The following CLNK variants were observed in gnomAD, a reference collection of about 807,000 sequenced individuals.
CLNK encodes cytokine dependent hematopoietic cell linker.
Under a neutral mutation model 68.6 loss-of-function variants are expected in CLNK, and 74 were observed. The ratio of observed to expected loss-of-function variants is 1.08; its 90% CI spans 0.89 to 1.31. The LOEUF is 1.31. Ranked by LOEUF, CLNK falls within the 50% of genes most tolerant of loss-of-function variation. The pLI, the probability that CLNK is intolerant of heterozygous loss-of-function variation, is 0.00. For synonymous variants in CLNK, 198 were observed against 172.2 expected, an observed-to-expected ratio of 1.15 and a Z score of -1.17; for missense variants, 553 against 515.3, an observed-to-expected ratio of 1.07 and a Z score of -0.71.
At chr4:10,496,207 C>A (rs1056309631) in intron 18 of CLNK, among the ~76,000 whole-genome samples, 6 of 152,208 alleles carry the variant, frequency 3.9e-5, no homozygotes, top group Non-Finnish European at 7.3e-5. Context: ...AAGATAGCTA[C>A]AAAACTACAT....
At position 10,487,575 on chromosome 4, in the gene CLNK, G is replaced by C. The variant is rs1407224787; in HGVS notation, c.*2892C>G. The stretch of plus-strand genomic sequence containing the variant: ...TAACTTGCTGGCCAGCAAGTTAGTG[G>C]ACAGCGTCCAGCTGCGCCTTCTGGA... On this transcript the variant is annotated 3_prime_UTR_variant, in exon 19 of 19. Coordinates refer to ENST00000226951, the MANE Select transcript of CLNK (RefSeq NM_052964.4). 1 of 152,104 alleles carries C rather than the reference G, an allele frequency of 6.6e-6. No individual in the cohort carries two copies. The highest frequency in any genetic ancestry group is 6.5e-5 in the Admixed American group (1 of 15,280). 9.4% of individuals were successfully genotyped at this position (152,104 alleles called of 1,614,324 possible). A position where few individuals can be genotyped will look rare whatever the true frequency, so the allele number is the denominator to read the frequency against.
At chr4:10,618,836 G>T (rs993182175) in intron 2 of CLNK, among the ~76,000 whole-genome samples, 2 of 152,204 alleles carry the variant, frequency 1.3e-5, no homozygotes, top group Non-Finnish European at 2.9e-5. Context: ...TCAAGGGGAT[G>T]GTGCTAACTC....
At chr4:10,541,396 C>G (rs1355150582) in intron 10 of CLNK, among the ~76,000 whole-genome samples, 1 of 151,696 alleles carries the variant, frequency 6.6e-6, no homozygotes, top group Non-Finnish European at 1.5e-5. Context: ...AAGCTGCTTC[C>G]CTCTAGCAGG....
Position 10,575,255 on chromosome 4 carries a change from C to T in CLNK, c.113-3477G>A, listed in dbSNP as rs188727705. 3.5e-3 allele frequency among the ~76,000 whole-genome samples: 540 copies of T among 152,330 alleles called. 2 individuals are homozygous for T. The highest frequency in any genetic ancestry group is 0.012 in the African/African-American group (511 of 41,580). Reference sequence around the variant, plus strand: ...TCTTCCTTTACCTCTTTCTCACCTCCGACTTCAGCTGCTTCAGCCAGCCTC... The same window carrying T: ...TCTTCCTTTACCTCTTTCTCACCTCTGACTTCAGCTGCTTCAGCCAGCCTC... On this transcript the variant is annotated intron_variant, in intron 4 of 18. Coordinates refer to ENST00000226951, the MANE Select transcript of CLNK (RefSeq NM_052964.4).
chr4:10,570,721 T>C (rs1463506582), intron 5 of CLNK, among the ~76,000 whole-genome samples: 1 of 152,208 alleles, frequency 6.6e-6, no homozygotes, highest in Non-Finnish European at 1.5e-5. Context: ...ATCTAATCTA[T>C]AGATATGCAA....
intron 8 of CLNK, among the ~76,000 whole-genome samples, chr4:10,552,617 A>G (rs1368212027): frequency 6.6e-6 from 1 of 151,652 alleles, no homozygotes; most frequent in Non-Finnish European, 1.5e-5. Flanking sequence ...AACCCCTATA[A>G]TTTCATCTCC....
chr4:10,697,874 C>T, the CLNK span, among the ~76,000 whole-genome samples: 1 of 152,154 alleles, frequency 6.6e-6, no homozygotes, highest in Admixed American at 6.5e-5. Flanking sequence ...AAACGAGGCT[C>T]ATCAAAGAAT....
At chr4:10,689,133 CTTTCT>C (rs1725373830), upstream of CLNK, among the ~76,000 whole-genome samples, 1 of 151,512 alleles carries the variant, frequency 6.6e-6, no homozygotes, top group African/African-American at 2.4e-5. Context: ...TCCTTTCTTT[CTTTCT>C]TTTTTTTTTT....
chr4:10,639,163 C>A (rs550808361), intron 2 of CLNK, among the ~76,000 whole-genome samples: 1 of 152,284 alleles, frequency 6.6e-6, no homozygotes, highest in Non-Finnish European at 1.5e-5. Flanking sequence ...CTGGCCAATA[C>A]AGAAAGAGTC....
chr4:10,588,731 G>A (rs961719930), intron 3 of CLNK, among the ~76,000 whole-genome samples: 6 of 151,988 alleles, frequency 3.9e-5, no homozygotes, highest in Non-Finnish European at 7.4e-5. Context: ...CTTGTGAATG[G>A]ACAAGTATTA....
At chr4:10,587,212 C>A (rs1311581897) in intron 3 of CLNK, among the ~76,000 whole-genome samples, 2 of 152,126 alleles carry the variant, frequency 1.3e-5, no homozygotes, top group Middle Eastern at 3.2e-3. Flanking sequence ...GTGATCCACC[C>A]GCCTCAGCCT....
chr4:10,598,694 C>T (rs1338316455), intron 2 of CLNK: 3 of 445,480 alleles, frequency 6.7e-6, no homozygotes, highest in African/African-American at 2.0e-5. Flanking sequence ...AATACATTCA[C>T]TGTCATAAAG....
rs1199948667 is a variant in CLNK, at chr4:10,488,380, C to T, written c.*2087G>A. On this transcript the variant is annotated 3_prime_UTR_variant, in exon 19 of 19. Transcript: ENST00000226951. ...TGAGTTGGAGGTATCAGTAATCTCC[C>T]AATAGCTTTTTAGGGTGAGGGTCAG... The T allele has an allele frequency of 6.6e-6, 1 of 152,162 alleles. No individual in the cohort carries two copies. Among genetic ancestry groups the T allele is most frequent in the Non-Finnish European group, 1.5e-5 (1 of 68,054 alleles). The allele number at this position is 152,162 out of a possible 1,614,324, so 9.4% of individuals were successfully genotyped here. A position where few individuals can be genotyped will look rare whatever the true frequency, so the allele number is the denominator to read the frequency against.
At chr4:10,683,981 A>T (rs965596241) in intron 1 of CLNK, among the ~76,000 whole-genome samples, 1 of 152,200 alleles carries the variant, frequency 6.6e-6, no homozygotes, top group African/African-American at 2.4e-5. Flanking sequence ...AGGCATATCG[A>T]CACCTTTTAA....
At chr4:10,656,324 G>A (rs1229431108) in intron 2 of CLNK, among the ~76,000 whole-genome samples, 1 of 79,514 alleles carries the variant, frequency 1.3e-5, no homozygotes, top group Non-Finnish European at 2.5e-5. Flanking sequence ...AACGACAAAT[G>A]CCTGACCAAA....
chr4:10,643,171 C>T (rs142644718), intron 2 of CLNK, among the ~76,000 whole-genome samples: 1 of 152,282 alleles, frequency 6.6e-6, no homozygotes, highest in Non-Finnish European at 1.5e-5. Context: ...AATGAATCTT[C>T]CTGGAAGTTA....
At chr4:10,529,428 G>A (rs575283330) in intron 12 of CLNK, among the ~76,000 whole-genome samples, 1 of 152,276 alleles carries the variant, frequency 6.6e-6, no homozygotes, top group South Asian at 2.1e-4. Context: ...CAGCTCTCCT[G>A]ACTCATAGTT....
chr4:10,542,168 G>C, intron 9 of CLNK, 87 bp downstream of exon 9: 3 of 1,184,966 alleles, frequency 2.5e-6, no homozygotes, highest in African/African-American at 3.1e-5. Context: ...TATTTTTCTA[G>C]AGATATCTGA....
intron 2 of CLNK, among the ~76,000 whole-genome samples, chr4:10,622,198 G>A (rs1722483429): frequency 6.6e-6 from 1 of 152,000 alleles, no homozygotes; most frequent in South Asian, 2.1e-4. Context: ...AGATTGTTAG[G>A]GGCATAGCCA....
Sources: allele counts gnomAD v4.1 joint callset (sites outside exome capture counted in the v4.1 genomes callset), GRCh38; gene constraint gnomAD v4.1.1; transcripts MANE v1.5; gene names NCBI Gene and HGNC (gene_info 2026-07-23, HGNC 2026-07-21).